Variants in DNER observed in about 807,000 individuals in gnomAD.
DNER encodes delta/notch like EGF repeat containing, also known as delta and Notch-like epidermal growth factor-related receptor.
DNER carries 33 observed loss-of-function variants against 78.2 expected under a neutral mutation model. That is an observed-to-expected ratio of 0.42 (90% CI 0.32 to 0.56). DNER has a LOEUF of 0.56. Among genes scored for constraint, DNER ranks in the 20% least tolerant of loss-of-function variants. The probability of loss-of-function intolerance (pLI) is 0.11; values close to 1 mark genes in which losing one functional copy is unlikely to be tolerated. For missense variants in DNER, 918 were observed against 975.3 expected (o/e 0.94, Z 0.78); for synonymous variants, 417 against 384.8 (o/e 1.08, Z -0.98).
chr2:229,633,242 A>G (rs545637152), intron 1 of DNER, among the ~76,000 whole-genome samples: 16 of 152,360 alleles, frequency 1.1e-4, no homozygotes, highest in South Asian at 6.2e-4. Flanking sequence ...GAGTATGGCA[A>G]CTGTTAAAAA....
At chr2:229,605,315 A>G (rs1697913560) in intron 1 of DNER, among the ~76,000 whole-genome samples, 1 of 152,154 alleles carries the variant, frequency 6.6e-6, no homozygotes, top group Non-Finnish European at 1.5e-5. Context: ...CACCACCTTA[A>G]TTCTGCAGCT....
chr2:229,467,074 T>A (rs1438862370), intron 7 of DNER, among the ~76,000 whole-genome samples: 1 of 152,112 alleles, frequency 6.6e-6, no homozygotes, highest in Non-Finnish European at 1.5e-5. Context: ...TCAAATGCAA[T>A]GATGGTGGCC....
intron 9 of DNER, among the ~76,000 whole-genome samples, chr2:229,411,693 A>G (rs1693524508): frequency 6.6e-6 from 1 of 152,340 alleles, no homozygotes; most frequent in African/African-American, 2.4e-5. Flanking sequence ...AATATTTGTA[A>G]TAGCCCCACA....
chr2:229,435,683 A>G (rs1694108434), intron 8 of DNER, among the ~76,000 whole-genome samples: 1 of 152,168 alleles, frequency 6.6e-6, no homozygotes, highest in African/African-American at 2.4e-5. Context: ...TCTAAAAGCA[A>G]CACCTACTAA....
chr2:229,559,568 G>C (rs1696918009), intron 4 of DNER, among the ~76,000 whole-genome samples: 1 of 152,084 alleles, frequency 6.6e-6, no homozygotes, highest in African/African-American at 2.4e-5. Context: ...CAGAAAAAAG[G>C]AAGTCTCAAG....
intron 10 of DNER, among the ~76,000 whole-genome samples, chr2:229,389,395 C>T (rs566948571): frequency 4.0e-4 from 59 of 146,848 alleles, no homozygotes; most frequent in African/African-American, 1.6e-3. Context: ...CTCATTAAAG[C>T]TGAAGAGAAG....
intron 1 of DNER, among the ~76,000 whole-genome samples, chr2:229,658,960 G>A (rs1698959708): frequency 6.6e-6 from 1 of 152,148 alleles, no homozygotes; most frequent in Non-Finnish European, 1.5e-5. Context: ...TGAAAGAAAT[G>A]TGATACTATT....
At chr2:229,613,588 G>A (rs542337795) in intron 1 of DNER, among the ~76,000 whole-genome samples, 1 of 151,778 alleles carries the variant, frequency 6.6e-6, no homozygotes, top group South Asian at 2.1e-4. Flanking sequence ...ATATGGCGCA[G>A]GGAAGAGTCA....
intron 1 of DNER, among the ~76,000 whole-genome samples, chr2:229,634,611 T>A (rs1698496591): frequency 6.6e-6 from 1 of 152,172 alleles, no homozygotes. Flanking sequence ...AATGTAAGGC[T>A]CAAGGAGAAA....
intron 1 of DNER, among the ~76,000 whole-genome samples, chr2:229,686,416 G>C (rs575780716): frequency 6.6e-6 from 1 of 152,248 alleles, no homozygotes; most frequent in East Asian, 1.9e-4. Context: ...ACTCTGGAAT[G>C]GTCCAGGAAA....
In DNER at chr2:229,668,573, T is replaced by TAC. The variant is rs1553550487; in HGVS notation, c.276+45574_276+45575insGT. Among the ~76,000 whole-genome samples, 643 of 91,600 alleles carry TAC rather than the reference T, an allele frequency of 7.0e-3. 11 individuals are homozygous for TAC. The highest frequency in any genetic ancestry group is 0.021 in the African/African-American group (362 of 16,846). 60.1% of individuals were successfully genotyped at this position (91,600 alleles called of 152,430 possible). ...ATATATATATATATATATATATATA[T>TAC]ATATATAAAAGAAGACATTTATGTG... On this transcript the variant is annotated intron_variant, in intron 1 of 12. Coordinates refer to ENST00000341772, the MANE Select transcript of DNER (RefSeq NM_139072.4).
At chr2:229,563,318 ACAT>A (rs1697001711) in intron 4 of DNER, among the ~76,000 whole-genome samples, 1 of 133,942 alleles carries the variant, frequency 7.5e-6, no homozygotes, top group Non-Finnish European at 1.6e-5. Context: ...ATCATCATCA[ACAT>A]CATCACACCA....
At chr2:229,561,367 C>T (rs913227659) in intron 4 of DNER, among the ~76,000 whole-genome samples, 1 of 152,142 alleles carries the variant, frequency 6.6e-6, no homozygotes, top group Non-Finnish European at 1.5e-5. Flanking sequence ...AGCAAACATA[C>T]AATCAACTTG....
intron 11 of DNER, among the ~76,000 whole-genome samples, chr2:229,387,024 C>T (rs183167289): frequency 0.029 from 4,460 of 152,184 alleles, 94 homozygotes; most frequent in African/African-American, 0.06. Context: ...GACACATGCA[C>T]ACGTATGTTT....
At chr2:229,653,394 C>T (rs935545633) in intron 1 of DNER, among the ~76,000 whole-genome samples, 3 of 152,124 alleles carry the variant, frequency 2.0e-5, no homozygotes, top group African/African-American at 7.2e-5. Context: ...TGTTGAGAAC[C>T]ATCAGTCCCA....
At chr2:229,610,272 G>A (rs1698021469) in intron 1 of DNER, among the ~76,000 whole-genome samples, 1 of 152,182 alleles carries the variant, frequency 6.6e-6, no homozygotes, top group South Asian at 2.1e-4. Flanking sequence ...ACTGTGTCGT[G>A]CTGCAGAAAT....
At chr2:229,401,417 ACAAT>A (rs1382911087) in intron 10 of DNER, among the ~76,000 whole-genome samples, 1 of 152,128 alleles carries the variant, frequency 6.6e-6, no homozygotes, top group African/African-American at 2.4e-5. Flanking sequence ...AAAACTGAAA[ACAAT>A]CCAGATTCCT....
intron 12 of DNER, among the ~76,000 whole-genome samples, chr2:229,364,037 G>A (rs888304187): frequency 8.4e-6 from 1 of 118,494 alleles, no homozygotes; most frequent in South Asian, 2.8e-4. Flanking sequence ...TCCCTCTGTC[G>A]CCCAGGCTGG....
At chr2:229,614,183 T>C (rs974824465) in intron 1 of DNER, among the ~76,000 whole-genome samples, 1 of 149,774 alleles carries the variant, frequency 6.7e-6, no homozygotes, top group Non-Finnish European at 1.5e-5. Context: ...GTAATAATAA[T>C]TAAAAAATTT....
Sources: allele counts gnomAD v4.1 joint callset (sites outside exome capture counted in the v4.1 genomes callset), GRCh38; gene constraint gnomAD v4.1.1; transcripts MANE v1.5; gene names NCBI Gene and HGNC (gene_info 2026-07-23, HGNC 2026-07-21).